The following MTFR1 variants were observed in gnomAD, a reference collection of about 807,000 sequenced individuals.
MTFR1 encodes the protein mitochondrial fission regulator 1, also known as chondrocyte protein with a poly-proline region.
In MTFR1, 28 loss-of-function variants were observed where a neutral mutation model predicts 38.8. The observed-to-expected ratio is 0.72, with a 90% CI of 0.53 to 0.99. The LOEUF (loss-of-function observed/expected upper bound fraction) is 0.99. MTFR1 is among the 50% of genes least tolerant of loss of function. MTFR1 has a pLI of 0.00. For missense variants in MTFR1, 358 were observed against 395.5 expected (o/e 0.91, Z 0.81); for synonymous variants, 145 against 137.0 (o/e 1.06, Z -0.41).
intron 3 of MTFR1, among the ~76,000 whole-genome samples, chr8:65,719,987 A>G (rs960483875): frequency 1.3e-5 from 2 of 152,206 alleles, no homozygotes; most frequent in Non-Finnish European, 2.9e-5. Context: ...CATGACTACA[A>G]TTGGTCATTT....
At chr8:65,716,478 C>T (rs1485498973) in intron 2 of MTFR1, among the ~76,000 whole-genome samples, 12 of 152,040 alleles carry the variant, frequency 7.9e-5, no homozygotes. Flanking sequence ...TAGCACCTTC[C>T]AGGGGAAGAG....
chr8:65,693,194 C>A (rs1309951205), intron 3 of MTFR1, among the ~76,000 whole-genome samples: 1 of 151,862 alleles, frequency 6.6e-6, no homozygotes, highest in Non-Finnish European at 1.5e-5. Flanking sequence ...CAAGGTCAGG[C>A]GTTCGAGACC....
intron 5 of MTFR1, among the ~76,000 whole-genome samples, chr8:65,705,701 C>A (rs1026542087): frequency 1.5e-4 from 23 of 152,154 alleles, no homozygotes; most frequent in African/African-American, 5.3e-4. Context: ...CTTTACTGCT[C>A]TAAAATGGGG....
At chr8:65,691,227 C>T in intron 3 of MTFR1, among the ~76,000 whole-genome samples, 1 of 152,152 alleles carries the variant, frequency 6.6e-6, no homozygotes. Context: ...ATTTTGAAAG[C>T]CTTTTTATCA....
At chr8:65,723,762 T>A in intron 3 of MTFR1, 1 of 509,354 alleles carries the variant, frequency 2.0e-6, no homozygotes, top group Non-Finnish European at 3.2e-6. Context: ...AATTAGTTCT[T>A]TTTAAAATTT....
intron 1 of MTFR1, among the ~76,000 whole-genome samples, chr8:65,658,452 GTC>G (rs1195157800): frequency 6.6e-6 from 1 of 152,148 alleles, no homozygotes; most frequent in East Asian, 1.9e-4. Flanking sequence ...GAAAAAGAAA[GTC>G]TATTTCCAAT....
chr8:65,727,023 A>G (rs1316004694), intron 3 of MTFR1: 5 of 1,035,900 alleles, frequency 4.8e-6, no homozygotes, highest in African/African-American at 1.6e-5. Context: ...TGGACATATC[A>G]TTACTAACAA....
intron 3 of MTFR1, among the ~76,000 whole-genome samples, chr8:65,752,449 T>C (rs1173133389): frequency 6.6e-5 from 10 of 152,246 alleles, no homozygotes; most frequent in Admixed American, 5.2e-4. Context: ...TGGTTCTCCT[T>C]TTCCTTTCTT....
chr8:65,750,689 T>C (rs1807905453), intron 3 of MTFR1, among the ~76,000 whole-genome samples: 2 of 152,200 alleles, frequency 1.3e-5, no homozygotes. Context: ...TGGTACTGTC[T>C]GGGAGCCAAG....
chr8:65,775,302 C>T (rs1185161634), downstream of MTFR1, among the ~76,000 whole-genome samples: 2 of 152,096 alleles, frequency 1.3e-5, no homozygotes, highest in African/African-American at 4.8e-5. Flanking sequence ...TTAACAACTA[C>T]TTTATCTTTT....
At chr8:65,686,544 C>G (rs541687272) in intron 3 of MTFR1, among the ~76,000 whole-genome samples, 1 of 146,812 alleles carries the variant, frequency 6.8e-6, no homozygotes, top group Non-Finnish European at 1.5e-5. Context: ...CATGCTACTG[C>G]ACTCCAGCCT....
intron 3 of MTFR1, chr8:65,747,739 T>G: frequency 6.2e-7 from 1 of 1,608,236 alleles, no homozygotes; most frequent in Non-Finnish European, 8.5e-7. Context: ...ATCTAAGATA[T>G]CGCTGGAAAC....
chr8:65,741,296 G>C (rs1807421258), intron 3 of MTFR1, among the ~76,000 whole-genome samples: 1 of 152,062 alleles, frequency 6.6e-6, no homozygotes, highest in South Asian at 2.1e-4. Flanking sequence ...CACGATTCTA[G>C]TATTCTCTCG....
chr8:65,664,933 A>T lies in MTFR1; in HGVS notation c.-80-4940A>T, dbSNP rs201326186. ...TAGTTTTTCATGCTTTTAAAAAAAAATTTTTTTTTTTTTTTTTTTTTAGAC... is the reference window on the plus strand; with the variant it reads ...TAGTTTTTCATGCTTTTAAAAAAAATTTTTTTTTTTTTTTTTTTTTTAGAC... On this transcript the variant is annotated intron_variant, in intron 1 of 7. Coordinates refer to ENST00000262146, the MANE Select transcript of MTFR1 (RefSeq NM_014637.4). 8.9e-3 allele frequency among the ~76,000 whole-genome samples: 1,123 copies of T among 125,714 alleles called. 8 individuals are homozygous for T. The highest frequency in any genetic ancestry group is 0.041 in the East Asian group (171 of 4,162). The allele number at this position is 125,714 out of a possible 152,430, so 82.5% of individuals were successfully genotyped here.
intron 3 of MTFR1, chr8:65,723,449 A>C: frequency 8.5e-7 from 1 of 1,175,000 alleles, no homozygotes; most frequent in Non-Finnish European, 1.1e-6. Context: ...AAATGAGCAT[A>C]ATTTTAATAT....
intron 2 of MTFR1, among the ~76,000 whole-genome samples, chr8:65,716,248 G>A (rs1275116699): frequency 6.6e-6 from 1 of 151,990 alleles, no homozygotes; most frequent in Non-Finnish European, 1.5e-5. Context: ...GCAGGAAATG[G>A]GAGCCACACC....
chr8:65,659,524 T>C (rs1263177186), intron 1 of MTFR1, among the ~76,000 whole-genome samples: 2 of 151,846 alleles, frequency 1.3e-5, no homozygotes, highest in African/African-American at 4.8e-5. Context: ...GCTGACCTGA[T>C]TGGCTACTTG....
chr8:65,653,700 A>G, intron 1 of MTFR1, among the ~76,000 whole-genome samples: 2 of 152,348 alleles, frequency 1.3e-5, no homozygotes, highest in South Asian at 4.1e-4. Flanking sequence ...GGTCCAAATT[A>G]GAATAATTTT....
At chr8:65,769,461 A>T (rs1041985959) in intron 3 of MTFR1, among the ~76,000 whole-genome samples, 2 of 152,226 alleles carry the variant, frequency 1.3e-5, no homozygotes, top group African/African-American at 4.8e-5. Flanking sequence ...TCTTGGCTAG[A>T]AGAATTCGTA....
Sources: gnomAD v4.1 joint callset for allele counts (sites outside exome capture counted in the v4.1 genomes callset) on GRCh38, gnomAD v4.1.1 for gene constraint, MANE v1.5 for transcripts, NCBI Gene and HGNC (gene_info 2026-07-23, HGNC 2026-07-21) for gene names.